CCDC148: variants seen among roughly 807,000 people sequenced by gnomAD.
CCDC148 encodes coiled-coil domain containing 148.
In CCDC148, 89 loss-of-function variants were observed where a neutral mutation model predicts 85.7. That is an observed-to-expected ratio of 1.04 (90% CI 0.87 to 1.24). CCDC148 has a LOEUF of 1.24. Among genes scored for constraint, CCDC148 ranks in the 50% most tolerant of loss-of-function variants. The pLI is 0.00. For synonymous variants in CCDC148, 230 were observed against 213.9 expected, an observed-to-expected ratio of 1.08 and a Z score of -0.66; for missense variants, 692 against 671.7, an observed-to-expected ratio of 1.03 and a Z score of -0.33.
At chr2:158,178,773 A>T in intron 12 of CCDC148, 106 bp downstream of exon 12, 1 of 750,286 alleles carries the variant, frequency 1.3e-6, no homozygotes, top group South Asian at 1.7e-5. Context: ...GTTAAATTTT[A>T]TATAGCAGAT....
At chr2:158,301,293 G>A (rs140075445) in intron 9 of CCDC148, among the ~76,000 whole-genome samples, 2 of 152,292 alleles carry the variant, frequency 1.3e-5, no homozygotes, top group Non-Finnish European at 2.9e-5. Context: ...GAAAAGAAGG[G>A]GCAGATAGAT....
At chr2:158,397,309 C>A (rs1004771239) in intron 1 of CCDC148, among the ~76,000 whole-genome samples, 1 of 151,824 alleles carries the variant, frequency 6.6e-6, no homozygotes, top group African/African-American at 2.4e-5. Flanking sequence ...GAAGAGTAAC[C>A]CCAAGACACC....
At chr2:158,427,039 C>G (rs966920714) in intron 1 of CCDC148, among the ~76,000 whole-genome samples, 7 of 151,684 alleles carry the variant, frequency 4.6e-5, no homozygotes, top group African/African-American at 1.7e-4. Context: ...TTTCTCTGAC[C>G]AAAAATGAAT....
chr2:158,431,550 A>G (rs929845725), intron 1 of CCDC148, among the ~76,000 whole-genome samples: 15 of 152,140 alleles, frequency 9.9e-5, no homozygotes, highest in Admixed American at 6.5e-5. Context: ...TTTGAAGAAT[A>G]AAGACAAAAC....
chr2:158,189,697 C>T (rs1401837712), intron 11 of CCDC148, among the ~76,000 whole-genome samples: 3 of 151,846 alleles, frequency 2.0e-5, no homozygotes, highest in African/African-American at 7.2e-5. Flanking sequence ...TAATATTTAC[C>T]TTTCCATAAG....
At chr2:158,176,785 A>G in intron 12 of CCDC148, 124 bp from the exon 13 acceptor site, 1 of 1,086,296 alleles carries the variant, frequency 9.2e-7, no homozygotes, top group Non-Finnish European at 1.3e-6. Flanking sequence ...CTGAGAGGAA[A>G]GGGCAGAAGA....
chr2:158,426,640 C>T (rs1246720930), intron 1 of CCDC148, among the ~76,000 whole-genome samples: 1 of 152,136 alleles, frequency 6.6e-6, no homozygotes, highest in East Asian at 1.9e-4. Context: ...GGATGTTTGT[C>T]TCCAGGTTAA....
intron 11 of CCDC148, among the ~76,000 whole-genome samples, chr2:158,186,880 G>A (rs1244025386): frequency 6.6e-6 from 1 of 151,870 alleles, no homozygotes; most frequent in Non-Finnish European, 1.5e-5. Context: ...CAGCTTTGGA[G>A]CCCTGGGTCT....
At chr2:158,259,162 A>T (rs564968859) in intron 9 of CCDC148, among the ~76,000 whole-genome samples, 86 of 151,676 alleles carry the variant, frequency 5.7e-4, no homozygotes, top group African/African-American at 2.0e-3. Flanking sequence ...TTCAATCCCA[A>T]ATTTCTGCTG....
At chr2:158,215,329 T>C (rs561389687) in intron 11 of CCDC148, among the ~76,000 whole-genome samples, 25 of 152,220 alleles carry the variant, frequency 1.6e-4, no homozygotes, top group African/African-American at 5.8e-4. Context: ...ATTAGGTAGG[T>C]TTATTTGCAG....
chr2:158,391,385 AT>A (rs1226157790), intron 1 of CCDC148, among the ~76,000 whole-genome samples: 1 of 152,198 alleles, frequency 6.6e-6, no homozygotes, highest in Non-Finnish European at 1.5e-5. Context: ...CTATCATAAA[AT>A]TTTAGAGAAC....
At chr2:158,442,445 A>C (rs1687974517) in intron 1 of CCDC148, among the ~76,000 whole-genome samples, 1 of 152,214 alleles carries the variant, frequency 6.6e-6, no homozygotes, top group Admixed American at 6.5e-5. Flanking sequence ...ATGGTAGAAA[A>C]CAAAAAATCA....
chr2:158,258,178 G>C (rs1186391361), intron 9 of CCDC148, among the ~76,000 whole-genome samples: 2 of 151,674 alleles, frequency 1.3e-5, no homozygotes, highest in African/African-American at 4.8e-5. Flanking sequence ...TATTAATGCT[G>C]TGTCAAGAAA....
At chr2:158,455,099 AG>A (rs1484343868) in intron 1 of CCDC148, among the ~76,000 whole-genome samples, 12 of 152,344 alleles carry the variant, frequency 7.9e-5, no homozygotes, top group African/African-American at 2.9e-4. Flanking sequence ...GAAATTTAAA[AG>A]AAGCAAAATC....
At chr2:158,425,753 T>C (rs1312685169) in intron 1 of CCDC148, among the ~76,000 whole-genome samples, 1 of 152,182 alleles carries the variant, frequency 6.6e-6, no homozygotes, top group Non-Finnish European at 1.5e-5. Context: ...TGTAGATATA[T>C]TCCATGCTCT....
intron 2 of CCDC148, among the ~76,000 whole-genome samples, chr2:158,354,785 T>C (rs1683533494): frequency 6.6e-6 from 1 of 150,704 alleles, no homozygotes; most frequent in Non-Finnish European, 1.5e-5. Flanking sequence ...AAAAAGAGAA[T>C]TTTAGACCAA....
chr2:158,293,871 C>A (rs1691010174), intron 9 of CCDC148, among the ~76,000 whole-genome samples: 1 of 151,404 alleles, frequency 6.6e-6, no homozygotes, highest in East Asian at 1.9e-4. Flanking sequence ...CAGCTTGCAG[C>A]CAGGCATGGC....
chr2:158,269,824 C>T (rs1689623048), intron 9 of CCDC148, among the ~76,000 whole-genome samples: 1 of 152,176 alleles, frequency 6.6e-6, no homozygotes, highest in African/African-American at 2.4e-5. Context: ...AAATAAATTA[C>T]CTGCACATAA....
intron 1 of CCDC148, among the ~76,000 whole-genome samples, chr2:158,403,687 AACAC>A (rs146802561): frequency 5.0e-5 from 7 of 138,810 alleles, no homozygotes; most frequent in African/African-American, 1.5e-4. Context: ...TCCTGTCTCA[AACAC>A]ACACACACAC....
Sources: allele counts gnomAD v4.1 joint callset (sites outside exome capture counted in the v4.1 genomes callset), GRCh38; gene constraint gnomAD v4.1.1; transcripts MANE v1.5; gene names NCBI Gene and HGNC (gene_info 2026-07-23, HGNC 2026-07-21).